The following LRP1B variants were observed in gnomAD, a reference collection of about 807,000 sequenced individuals.
LRP1B encodes the protein LDL receptor related protein 1B, also known as low-density lipoprotein receptor-related protein 1B.
In LRP1B, 217 loss-of-function variants were observed where a neutral mutation model predicts 556.6. The observed-to-expected ratio is 0.39, with a 90% CI of 0.35 to 0.44. The LOEUF (loss-of-function observed/expected upper bound fraction) is 0.44, where lower values mean the gene tolerates loss of function less well. Ranked by LOEUF, LRP1B falls within the 20% of genes least tolerant of loss-of-function variation. The pLI is 1.00. For synonymous variants in LRP1B, 2,047 were observed against 1,865.8 expected (o/e 1.10, Z -2.50); for missense variants, 5,053 against 5,620.8 (o/e 0.90, Z 3.23).
At chr2:141,486,366 T>C (rs988619446) in intron 2 of LRP1B, among the ~76,000 whole-genome samples, 3 of 152,154 alleles carry the variant, frequency 2.0e-5, no homozygotes, top group Non-Finnish European at 2.9e-5. Context: ...CTTCTGAATG[T>C]TTAAATTATT....
intron 17 of LRP1B, among the ~76,000 whole-genome samples, chr2:140,985,839 T>A (rs1253326103): frequency 6.6e-6 from 1 of 151,450 alleles, no homozygotes; most frequent in African/African-American, 2.4e-5. Flanking sequence ...TATCAAATCT[T>A]ATTTTTTTCT....
chr2:141,996,729 C>T (rs1574574809), intron 1 of LRP1B, among the ~76,000 whole-genome samples: 1 of 136,830 alleles, frequency 7.3e-6, no homozygotes, highest in African/African-American at 2.8e-5. Context: ...CCCCTACAAA[C>T]TAGTGACACA....
intron 43 of LRP1B, among the ~76,000 whole-genome samples, chr2:140,552,138 A>G (rs1680568205): frequency 6.6e-6 from 1 of 152,106 alleles, no homozygotes; most frequent in Non-Finnish European, 1.5e-5. Flanking sequence ...TATATGTGCT[A>G]TTTTTATAAT....
At chr2:141,152,774 A>G (rs1036654490) in intron 7 of LRP1B, among the ~76,000 whole-genome samples, 1 of 151,796 alleles carries the variant, frequency 6.6e-6, no homozygotes, top group East Asian at 1.9e-4. Context: ...TCTTTAATGA[A>G]TGAATCGGTT....
intron 2 of LRP1B, among the ~76,000 whole-genome samples, chr2:141,701,957 T>A (rs1691954099): frequency 1.3e-5 from 2 of 151,888 alleles, no homozygotes; most frequent in Admixed American, 6.6e-5. Flanking sequence ...TTTTTGGAAG[T>A]GAATAATATA....
intron 35 of LRP1B, among the ~76,000 whole-genome samples, chr2:140,748,854 T>TAC (rs1553522022): frequency 7.2e-6 from 1 of 138,232 alleles, no homozygotes; most frequent in Non-Finnish European, 1.6e-5. Context: ...GTATATAATA[T>TAC]ATATACACAC....
At chr2:141,755,569 G>A (rs1031186769) in intron 2 of LRP1B, among the ~76,000 whole-genome samples, 13 of 151,966 alleles carry the variant, frequency 8.6e-5, no homozygotes, top group Admixed American at 2.6e-4. Context: ...AAGAGGTCAC[G>A]AGGTAAAAAC....
At chr2:140,444,899 T>C (rs1213103407) in intron 63 of LRP1B, among the ~76,000 whole-genome samples, 1 of 152,116 alleles carries the variant, frequency 6.6e-6, no homozygotes, top group African/African-American at 2.4e-5. Flanking sequence ...CTTTAGAAGA[T>C]AGGAATTAAT....
chr2:141,817,355 C>T (rs1696596277), intron 1 of LRP1B, among the ~76,000 whole-genome samples: 1 of 151,882 alleles, frequency 6.6e-6, no homozygotes, highest in Non-Finnish European at 1.5e-5. Flanking sequence ...TTCTTGCAAT[C>T]AAAAAACATG....
At chr2:141,061,911 T>C (rs1456304083) in intron 8 of LRP1B, 140 bp downstream of exon 8, 2 of 653,656 alleles carry the variant, frequency 3.1e-6, no homozygotes, top group Admixed American at 5.4e-5. Flanking sequence ...AAAAGAACAT[T>C]CTCCAATATA....
chr2:140,767,489 C>T (rs1198862640), intron 35 of LRP1B, among the ~76,000 whole-genome samples: 7 of 151,882 alleles, frequency 4.6e-5, no homozygotes, highest in African/African-American at 1.4e-4. Context: ...CATCATGGTA[C>T]ATGATATTAA....
intron 43 of LRP1B, among the ~76,000 whole-genome samples, chr2:140,544,506 T>A (rs1680253483): frequency 6.6e-6 from 1 of 152,062 alleles, no homozygotes; most frequent in South Asian, 2.1e-4. Context: ...CCAGTGTCTA[T>A]TGTTCTCCTC....
chr2:142,054,381 T>C (rs1349082764), intron 1 of LRP1B, among the ~76,000 whole-genome samples: 3 of 152,102 alleles, frequency 2.0e-5, no homozygotes, highest in Admixed American at 2.0e-4. Flanking sequence ...TCCCCACTAC[T>C]AGTCTTATTT....
intron 1 of LRP1B, among the ~76,000 whole-genome samples, chr2:141,945,786 T>C (rs1036074341): frequency 4.3e-5 from 6 of 138,898 alleles, no homozygotes; most frequent in Non-Finnish European, 9.7e-5. Context: ...TCTCAGCAAA[T>C]CAGAGGCCTT....
At chr2:140,642,122 A>G (rs1452375781) in intron 41 of LRP1B, among the ~76,000 whole-genome samples, 1 of 152,194 alleles carries the variant, frequency 6.6e-6, no homozygotes, top group East Asian at 1.9e-4. Context: ...TCAGTGGGCC[A>G]GAGTTATCAT....
At chr2:141,719,546 A>T (rs924877957) in intron 2 of LRP1B, among the ~76,000 whole-genome samples, 1 of 152,126 alleles carries the variant, frequency 6.6e-6, no homozygotes, top group African/African-American at 2.4e-5. Flanking sequence ...TTTATTAATA[A>T]ATCTCTAATG....
At chr2:140,786,507 T>C (rs1277991105) in intron 32 of LRP1B, among the ~76,000 whole-genome samples, 1 of 152,232 alleles carries the variant, frequency 6.6e-6, no homozygotes, top group Non-Finnish European at 1.5e-5. Context: ...CTCTTCTGTG[T>C]GGGAGCAGCT....
At chr2:141,131,969 C>T (rs545269164) in intron 7 of LRP1B, among the ~76,000 whole-genome samples, 2 of 151,948 alleles carry the variant, frequency 1.3e-5, no homozygotes, top group East Asian at 1.9e-4. Flanking sequence ...AATTTGTAGC[C>T]TTTTATCCTT....
intron 6 of LRP1B, among the ~76,000 whole-genome samples, chr2:141,226,370 T>G (rs956368612): frequency 3.0e-4 from 45 of 152,254 alleles, no homozygotes; most frequent in African/African-American, 9.9e-4. Context: ...TACCCAGAGA[T>G]GCAGTGGGTA....
Sources: gnomAD v4.1 joint callset for allele counts (sites outside exome capture counted in the v4.1 genomes callset) on GRCh38, gnomAD v4.1.1 for gene constraint, MANE v1.5 for transcripts, NCBI Gene and HGNC (gene_info 2026-07-23, HGNC 2026-07-21) for gene names.